ZFAND3: variants seen among roughly 807,000 people sequenced by gnomAD.
ZFAND3 encodes the protein AN1-type zinc finger protein 3.
A neutral mutation model predicts 29.6 loss-of-function variants in ZFAND3; 10 were observed. The observed-to-expected ratio is 0.34, with a 90% CI of 0.21 to 0.57. The LOEUF is 0.57. Ranked by LOEUF, ZFAND3 falls within the 20% of genes least tolerant of loss-of-function variation. The probability of loss-of-function intolerance (pLI) is 0.86; values close to 1 mark genes in which losing one functional copy is unlikely to be tolerated. For synonymous variants in ZFAND3, 128 were observed against 112.6 expected (o/e 1.14, Z -0.87); for missense variants, 230 against 304.5 (o/e 0.76, Z 1.82).
At chr6:37,965,371 C>G (rs985036844) in intron 2 of ZFAND3, among the ~76,000 whole-genome samples, 6 of 152,126 alleles carry the variant, frequency 3.9e-5, no homozygotes, top group African/African-American at 7.2e-5. Context: ...GACACAGTCT[C>G]ATGGATGTCA....
intron 1 of ZFAND3, among the ~76,000 whole-genome samples, chr6:37,862,659 G>T (rs751046140): frequency 2.6e-5 from 4 of 151,652 alleles, no homozygotes; most frequent in Non-Finnish European, 4.4e-5. Context: ...AGCTGTGATC[G>T]TGCCACAACA....
chr6:38,069,650 A>G (rs1443144154), intron 3 of ZFAND3, among the ~76,000 whole-genome samples: 3 of 152,212 alleles, frequency 2.0e-5, no homozygotes, highest in Admixed American at 6.5e-5. Flanking sequence ...GTTATATGCT[A>G]TATTGAAGTG....
At chr6:38,090,337 C>T (rs1160225346) in intron 4 of ZFAND3, among the ~76,000 whole-genome samples, 3 of 152,062 alleles carry the variant, frequency 2.0e-5, no homozygotes, top group Non-Finnish European at 4.4e-5. Context: ...AGATATAAAC[C>T]TTTCATTTTT....
At chr6:37,894,012 T>G (rs1765152173) in intron 1 of ZFAND3, among the ~76,000 whole-genome samples, 1 of 151,756 alleles carries the variant, frequency 6.6e-6, no homozygotes, top group South Asian at 2.1e-4. Flanking sequence ...CCCAGCACTT[T>G]GGGAGGCCGA....
At chr6:37,977,866 T>TCCTTCCTTC in intron 2 of ZFAND3, among the ~76,000 whole-genome samples, 1 of 142,758 alleles carries the variant, frequency 7.0e-6, no homozygotes, top group Non-Finnish European at 1.5e-5. Context: ...CTTCCTTCCT[T>TCCTTCCTTC]CCTTTCCTTC....
At chr6:38,045,952 C>T (rs1028271460) in intron 2 of ZFAND3, among the ~76,000 whole-genome samples, 4 of 152,126 alleles carry the variant, frequency 2.6e-5, no homozygotes, top group Non-Finnish European at 4.4e-5. Context: ...AAGTGGTTAG[C>T]GAGAAGAGTA....
intron 1 of ZFAND3, among the ~76,000 whole-genome samples, chr6:37,856,037 A>C (rs968254537): frequency 1.6e-5 from 2 of 128,362 alleles, no homozygotes; most frequent in Non-Finnish European, 3.4e-5. Flanking sequence ...TTCTTTTTTT[A>C]TTTTTGAGAC....
chr6:37,902,737 CTTTTTT>C (rs11448512), intron 1 of ZFAND3, among the ~76,000 whole-genome samples: 44 of 100,416 alleles, frequency 4.4e-4, no homozygotes, highest in East Asian at 7.0e-4. Context: ...CTTTTACTTA[CTTTTTT>C]TTTTTTTTTT....
intron 1 of ZFAND3, among the ~76,000 whole-genome samples, chr6:37,907,304 A>G (rs1380365570): frequency 3.9e-5 from 6 of 152,178 alleles, no homozygotes; most frequent in African/African-American, 7.2e-5. Flanking sequence ...TTTTTAGTCA[A>G]CTTAACAGCA....
chr6:38,072,517 C>T (rs1764477022), intron 3 of ZFAND3, among the ~76,000 whole-genome samples: 1 of 152,108 alleles, frequency 6.6e-6, no homozygotes, highest in Admixed American at 6.6e-5. Context: ...GTCATGTAAA[C>T]AACCACACTT....
intron 2 of ZFAND3, among the ~76,000 whole-genome samples, chr6:38,020,475 T>G (rs1316094549): frequency 6.6e-6 from 1 of 152,248 alleles, no homozygotes; most frequent in Non-Finnish European, 1.5e-5. Context: ...AACATAACTC[T>G]ATCCCTCTAT....
chr6:37,867,094 C>T (rs887745430), intron 1 of ZFAND3, among the ~76,000 whole-genome samples: 2 of 152,138 alleles, frequency 1.3e-5, no homozygotes, highest in African/African-American at 2.4e-5. Context: ...GGCCTATAGG[C>T]GGTTGAGTGG....
At chr6:37,900,834 C>G (rs1044861407) in intron 1 of ZFAND3, among the ~76,000 whole-genome samples, 5 of 151,894 alleles carry the variant, frequency 3.3e-5, no homozygotes, top group African/African-American at 1.2e-4. Context: ...AATTGGTGAT[C>G]AATACTAGGA....
intron 5 of ZFAND3, among the ~76,000 whole-genome samples, chr6:38,133,881 CCCA>C (rs1765791212): frequency 6.6e-6 from 1 of 152,120 alleles, no homozygotes; most frequent in Admixed American, 6.5e-5. Context: ...CTCCCAGAAC[CCCA>C]CCACTTTTTC....
intron 2 of ZFAND3, among the ~76,000 whole-genome samples, chr6:37,934,858 AAAAAAAG>A (rs1761669391): frequency 1.3e-5 from 2 of 149,738 alleles, no homozygotes; most frequent in South Asian, 4.2e-4. Flanking sequence ...AAAAAAAAAA[AAAAAAAG>A]CAAAAGTTAA....
chr6:37,930,451 T>A (rs1761573467), intron 2 of ZFAND3, among the ~76,000 whole-genome samples: 1 of 152,064 alleles, frequency 6.6e-6, no homozygotes, highest in South Asian at 2.1e-4. Flanking sequence ...TCCCAGCACT[T>A]TGGGAGGCAG....
chr6:38,120,447 T>A (rs1765511978), intron 5 of ZFAND3, among the ~76,000 whole-genome samples: 1 of 142,888 alleles, frequency 7.0e-6, no homozygotes, highest in African/African-American at 2.6e-5. Context: ...TGCCTCAGCC[T>A]CCCTAGTAGC....
chr6:37,957,206 G>A lies in ZFAND3; in HGVS notation c.112+27207G>A, dbSNP rs117653512. ...TTCTTCCTCTCTTTTCAGGAATAAC[G>A]CAAATTATCTTTTTCTAGAAGAACT... is the stretch of plus-strand genomic sequence containing the variant. On this transcript the variant is annotated intron_variant, in intron 2 of 5. Coordinates refer to ENST00000287218, the MANE Select transcript of ZFAND3 (RefSeq NM_021943.3). 6.6e-3 allele frequency among the ~76,000 whole-genome samples: 1,006 copies of A among 152,066 alleles called. 8 individuals are homozygous for A. The highest frequency in any genetic ancestry group is 0.017 in the Middle Eastern group (5 of 294).
rs143659646 is a variant in ZFAND3 at position 37,954,967 on chromosome 6, T to G, written c.112+24968T>G. On this transcript the variant is annotated intron_variant, in intron 2 of 5. Coordinates refer to ENST00000287218, the MANE Select transcript of ZFAND3 (RefSeq NM_021943.3). ...CCAGGTATAGTTACCTCTAACCCTT[T>G]CAAATGGGTCTTAGCCTCAGGCTCT... Among the ~76,000 whole-genome samples the G allele has an allele frequency of 9.1e-4, 139 of 152,312 alleles. 1 individual carries two copies. Among genetic ancestry groups the G allele is most frequent in the Middle Eastern group, 3.4e-3 (1 of 294 alleles).
Sources: gnomAD v4.1 joint callset for allele counts (sites outside exome capture counted in the v4.1 genomes callset) on GRCh38, gnomAD v4.1.1 for gene constraint, MANE v1.5 for transcripts, NCBI Gene and HGNC (gene_info 2026-07-23, HGNC 2026-07-21) for gene names.